Variants in DIAPH2 observed in about 807,000 individuals in gnomAD.
The protein encoded by DIAPH2 is diaphanous related formin 2, also known as protein diaphanous homolog 2.
A neutral mutation model predicts 92.7 loss-of-function variants in DIAPH2; 35 were observed. The ratio of observed to expected loss-of-function variants is 0.38; its 90% CI spans 0.29 to 0.50. The LOEUF is 0.50. Among genes scored for constraint, DIAPH2 ranks in the 20% least tolerant of loss-of-function variants. The pLI is 0.94. For missense variants in DIAPH2, 701 were observed against 819.5 expected, an observed-to-expected ratio of 0.86 and a Z score of 1.77; for synonymous variants, 301 against 280.4, an observed-to-expected ratio of 1.07 and a Z score of -0.73.
chrX:96,967,120 C>T (rs1048854665), intron 17 of DIAPH2, among the ~76,000 whole-genome samples: 1 of 111,214 alleles, frequency 9.0e-6, no homozygotes, highest in Non-Finnish European at 1.9e-5. Context: ...AGGTTTGGGA[C>T]GCAAATGATC....
intron 17 of DIAPH2, among the ~76,000 whole-genome samples, chrX:97,013,330 T>C (rs144933827): frequency 7.6e-4 from 85 of 111,705 alleles, no homozygotes; most frequent in African/African-American, 2.6e-3. Context: ...TCTCTCCAAC[T>C]GAAAACTGAC....
At chrX:97,401,660 A>G (rs145542085) in intron 25 of DIAPH2, among the ~76,000 whole-genome samples, 225 of 111,500 alleles carry the variant, frequency 2.0e-3, no homozygotes, top group African/African-American at 7.2e-3. Context: ...TTCACTCTAA[A>G]CCCACTGAAT....
chrX:97,425,478 A>G (rs1327333015), intron 25 of DIAPH2, among the ~76,000 whole-genome samples: 2 of 111,558 alleles, frequency 1.8e-5, no homozygotes, highest in Non-Finnish European at 3.8e-5. Flanking sequence ...ATGTTTACAT[A>G]TATTAAAACA....
At chrX:96,995,742 CTT>C (rs1164405949) in intron 17 of DIAPH2, among the ~76,000 whole-genome samples, 5 of 103,413 alleles carry the variant, frequency 4.8e-5, no homozygotes, top group Non-Finnish European at 1.0e-4. Flanking sequence ...AGTATATTTT[CTT>C]TTTTTTTTTC....
At chrX:97,134,156 G>A (rs1421188061) in intron 21 of DIAPH2, among the ~76,000 whole-genome samples, 1 of 111,555 alleles carries the variant, frequency 9.0e-6, no homozygotes, top group Non-Finnish European at 1.9e-5. Context: ...GAACACTGAA[G>A]AGCAATGTAT....
chrX:96,957,483 G>T (rs950011264), intron 15 of DIAPH2, among the ~76,000 whole-genome samples: 1 of 111,591 alleles, frequency 9.0e-6, no homozygotes, highest in African/African-American at 3.3e-5. Flanking sequence ...GAAAATCCCC[G>T]TATAAAACCT....
chrX:96,706,443 G>T (rs1362361095), intron 1 of DIAPH2, among the ~76,000 whole-genome samples: 1 of 112,049 alleles, frequency 8.9e-6, no homozygotes, highest in Non-Finnish European at 1.9e-5. Flanking sequence ...GATAAGAAAT[G>T]AACCATGGAA....
At chrX:96,874,185 T>C (rs897357173) in intron 4 of DIAPH2, among the ~76,000 whole-genome samples, 1 of 111,974 alleles carries the variant, frequency 8.9e-6, no homozygotes, top group Non-Finnish European at 1.9e-5. Context: ...ACTGAAAATA[T>C]GTTTTCCTTT....
At chrX:96,863,112 G>A (rs1301634492) in intron 4 of DIAPH2, among the ~76,000 whole-genome samples, 1 of 110,296 alleles carries the variant, frequency 9.1e-6, no homozygotes, top group Admixed American at 9.8e-5. Context: ...TAACAAGTAG[G>A]AGGTGGTACA....
chrX:96,884,809 A>C (rs1293135795), intron 5 of DIAPH2: 1 of 1,209,094 alleles, frequency 8.3e-7, no homozygotes, highest in African/African-American at 1.8e-5. Context: ...TGCACACATG[A>C]TGCTGGATAA....
At chrX:97,071,274 G>T (rs528872293) in intron 17 of DIAPH2, among the ~76,000 whole-genome samples, 21 of 111,593 alleles carry the variant, frequency 1.9e-4, no homozygotes, top group Middle Eastern at 4.7e-3. Context: ...AAGACTCTAT[G>T]CTCTTAGAAA....
At chrX:97,089,943 T>C in intron 19 of DIAPH2, among the ~76,000 whole-genome samples, 1 of 111,223 alleles carries the variant, frequency 9.0e-6, no homozygotes, top group Admixed American at 9.6e-5. Flanking sequence ...TTCGGCAAGA[T>C]GGTCTCGAAC....
intron 23 of DIAPH2, among the ~76,000 whole-genome samples, chrX:97,290,302 A>G (rs1238012608): frequency 9.0e-6 from 1 of 111,323 alleles, no homozygotes; most frequent in Non-Finnish European, 1.9e-5. Context: ...GGAGATTGAA[A>G]GAGCATAAGA....
chrX:97,065,469 G>A (rs1295625556), intron 17 of DIAPH2, among the ~76,000 whole-genome samples: 1 of 111,466 alleles, frequency 9.0e-6, no homozygotes, highest in Admixed American at 9.6e-5. Context: ...CTAGTGACAT[G>A]TAGCCATTGT....
intron 22 of DIAPH2, among the ~76,000 whole-genome samples, chrX:97,202,194 G>C (rs995972547): frequency 8.9e-5 from 10 of 112,030 alleles, no homozygotes; most frequent in African/African-American, 3.2e-4. Flanking sequence ...ACTGGTACCA[G>C]CCACTACAAA....
At chrX:96,970,469 G>C (rs1355707485) in intron 17 of DIAPH2, among the ~76,000 whole-genome samples, 2 of 110,734 alleles carry the variant, frequency 1.8e-5, no homozygotes, top group African/African-American at 6.6e-5. Flanking sequence ...TTCAATCTTG[G>C]GAGGTTGTGT....
intron 17 of DIAPH2, among the ~76,000 whole-genome samples, chrX:96,988,458 CTT>C (rs2066047125): frequency 9.1e-6 from 1 of 109,742 alleles, no homozygotes; most frequent in Admixed American, 9.7e-5. Flanking sequence ...ATCAAGATCT[CTT>C]TTAGATTTGG....
chrX:96,749,143 AAAAT>A (rs766425197), intron 3 of DIAPH2, among the ~76,000 whole-genome samples: 3,832 of 76,335 alleles, frequency 0.05, 78 homozygotes, highest in East Asian at 0.16. Flanking sequence ...AAAAAAAAAA[AAAAT>A]ATATATATAT....
At chrX:96,849,544 TA>T (rs777832582) in intron 4 of DIAPH2, among the ~76,000 whole-genome samples, 1 of 111,491 alleles carries the variant, frequency 9.0e-6, no homozygotes, top group South Asian at 3.8e-4. Flanking sequence ...GGCCAATACT[TA>T]ATGATTGTTT....
Sources: gnomAD v4.1 joint callset for allele counts (sites outside exome capture counted in the v4.1 genomes callset) on GRCh38, gnomAD v4.1.1 for gene constraint, MANE v1.5 for transcripts, NCBI Gene and HGNC (gene_info 2026-07-23, HGNC 2026-07-21) for gene names.